ABHD17C: variants seen among roughly 807,000 people sequenced by gnomAD.
The protein encoded by ABHD17C is abhydrolase domain containing 17C, depalmitoylase.
Under a neutral mutation model 27.9 loss-of-function variants are expected in ABHD17C, and 11 were observed. The ratio of observed to expected loss-of-function variants is 0.39; its 90% CI spans 0.25 to 0.65. The LOEUF is 0.65. ABHD17C is among the 30% of genes least tolerant of loss of function. The pLI is 0.45. For missense variants in ABHD17C, 280 were observed against 470.2 expected (o/e 0.60, Z 3.74); for synonymous variants, 233 against 209.1 (o/e 1.11, Z -0.98).
At chr15:80,749,400 G>A in intron 1 of ABHD17C, 113 bp from the exon 2 acceptor site, 1 of 1,085,366 alleles carries the variant, frequency 9.2e-7, no homozygotes, top group Non-Finnish European at 1.3e-6. Context: ...TAGATGATAT[G>A]GTTTTAAGCT....
intron 1 of ABHD17C, among the ~76,000 whole-genome samples, chr15:80,748,487 C>A (rs1003431744): frequency 1.3e-5 from 2 of 152,106 alleles, no homozygotes; most frequent in African/African-American, 2.4e-5. Flanking sequence ...AATAGTAACT[C>A]ATGGATTTAA....
At chr15:80,735,468 C>T (rs1382231608) in intron 1 of ABHD17C, among the ~76,000 whole-genome samples, 2 of 152,144 alleles carry the variant, frequency 1.3e-5, no homozygotes, top group African/African-American at 2.4e-5. Context: ...CCAGCACCCT[C>T]CTTCCCATTG....
chr15:80,730,019 T>C (rs2141510014), intron 1 of ABHD17C, among the ~76,000 whole-genome samples: 1 of 152,016 alleles, frequency 6.6e-6, no homozygotes, highest in East Asian at 1.9e-4. Flanking sequence ...CTCAGGAGGC[T>C]GAGACAGGAG....
chr15:80,723,397 TTAA>T, intron 1 of ABHD17C, among the ~76,000 whole-genome samples: 1 of 152,132 alleles, frequency 6.6e-6, no homozygotes, highest in Non-Finnish European at 1.5e-5. Context: ...TCCTGTAATT[TTAA>T]TAATGCTGAC....
chr15:80,736,729 G>A (rs1178429653), intron 1 of ABHD17C, among the ~76,000 whole-genome samples: 4 of 152,076 alleles, frequency 2.6e-5, no homozygotes, highest in South Asian at 2.1e-4. Flanking sequence ...TGTGCCAAGC[G>A]TGCTTCTCTG....
At chr15:80,706,873 T>A (rs1466733693) in intron 1 of ABHD17C, among the ~76,000 whole-genome samples, 1 of 152,256 alleles carries the variant, frequency 6.6e-6, no homozygotes, top group East Asian at 1.9e-4. Flanking sequence ...GTCGTGATGT[T>A]TAACTATCAC....
Position 80,708,503 on chromosome 15 carries a change from A to G in ABHD17C, c.590+12484A>G, listed in dbSNP as rs374425610. ...GCTAATTTTTGTATTTTTAGTAGAG[A>G]CAGTGTTTTCGCCATGTTGGCCAGA... On this transcript the variant is annotated intron_variant, in intron 1 of 2. Transcript: ENST00000258884. Among the ~76,000 whole-genome samples the G allele has an allele frequency of 7.8e-4, 118 of 152,220 alleles. 1 individual carries two copies. The highest frequency in any genetic ancestry group is 2.6e-3 in the African/African-American group (106 of 41,528).
In ABHD17C at chr15:80,754,310, T is replaced by G; in HGVS notation, c.930T>G (p.Leu310=). The G allele has an allele frequency of 6.2e-7, 1 of 1,613,928 alleles. No homozygotes were observed. Among genetic ancestry groups the G allele is most frequent in the Non-Finnish European group, 8.5e-7 (1 of 1,179,866 alleles). Residue 310 remains leucine, a synonymous_variant, in exon 3 of 3, where the codon CTT becomes CTG. Coordinates refer to ENST00000258884, the MANE Select transcript of ABHD17C (RefSeq NM_021214.2). ...GGGCTGGGCATAATGACATAGAGCTTTATGCACAATACCTAGAAAGACTAA... is the reference window on the plus strand; with the variant it reads ...GGGCTGGGCATAATGACATAGAGCTGTATGCACAATACCTAGAAAGACTAA... The part of the protein sequence containing the change: ...VEGAGHNDIE[L]YAQYLERLKQ...
chr15:80,735,864 TC>T (rs34700232), intron 1 of ABHD17C, among the ~76,000 whole-genome samples: 48,116 of 151,976 alleles, frequency 0.32, 8,121 homozygotes, highest in African/African-American at 0.43. Flanking sequence ...CTTCATTATT[TC>T]CCCCAAAGAC....
At chr15:80,721,912 G>T (rs1894902757) in intron 1 of ABHD17C, among the ~76,000 whole-genome samples, 1 of 152,150 alleles carries the variant, frequency 6.6e-6, no homozygotes, top group Non-Finnish European at 1.5e-5. Context: ...CCAACTAAAA[G>T]TCTTAGCTCA....
intron 1 of ABHD17C, among the ~76,000 whole-genome samples, chr15:80,733,412 C>T (rs887667538): frequency 6.6e-6 from 1 of 152,042 alleles, no homozygotes; most frequent in Non-Finnish European, 1.5e-5. Context: ...TGCTGACATC[C>T]TGGGGAGGAC....
intron 1 of ABHD17C, among the ~76,000 whole-genome samples, chr15:80,734,237 G>A (rs554704826): frequency 6.6e-6 from 1 of 152,040 alleles, no homozygotes; most frequent in Middle Eastern, 3.2e-3. Flanking sequence ...CTCCCACCTC[G>A]GCCTCCCAGA....
intron 1 of ABHD17C, among the ~76,000 whole-genome samples, chr15:80,719,338 C>T (rs1201739813): frequency 1.3e-5 from 2 of 152,168 alleles, no homozygotes; most frequent in Non-Finnish European, 2.9e-5. Context: ...TTTGGTTCTT[C>T]ATTGAGAGTG....
In ABHD17C at chr15:80,716,406, C is replaced by T. The variant is rs138488217; in HGVS notation, c.590+20387C>T. Among the ~76,000 whole-genome samples, 43 of 152,266 alleles carry T rather than the reference C, an allele frequency of 2.8e-4. No individual in the cohort carries two copies. In the South Asian group the frequency reaches 7.2e-3, roughly 26 times the overall value. ...ACAAGGCCTGTGACCTTGTTGGAAA[C>T]GTCTCTGCTTCATGGGTTCTTGCCA... On this transcript the variant is annotated intron_variant, in intron 1 of 2. Coordinates refer to ENST00000258884, the MANE Select transcript of ABHD17C (RefSeq NM_021214.2).
chr15:80,730,611 C>A (rs1895044837), intron 1 of ABHD17C, among the ~76,000 whole-genome samples: 1 of 152,154 alleles, frequency 6.6e-6, no homozygotes, highest in Non-Finnish European at 1.5e-5. Context: ...AAAGAAAAGT[C>A]ATTAGCATGA....
chr15:80,714,838 C>G (rs978113505), intron 1 of ABHD17C, among the ~76,000 whole-genome samples: 1 of 152,138 alleles, frequency 6.6e-6, no homozygotes, highest in Admixed American at 6.6e-5. Context: ...TTTTGGATTT[C>G]TTTTCTCAGA....
At position 80,705,333 on chromosome 15, in the gene ABHD17C, T is replaced by TTGTGTG. The variant is rs1555421862; in HGVS notation, c.590+9343_590+9348dup. Reference sequence around the variant, plus strand: ...CCTGCAGTTCTGAGCTTCCTATGATTTGTGTGTGTGTGTGTGTGTGTGTGT... The same window carrying TTGTGTG: ...CCTGCAGTTCTGAGCTTCCTATGATTTGTGTGTGTGTGTGTGTGTGTGTGTGTGTGT... On this transcript the variant is annotated intron_variant, in intron 1 of 2. Transcript: ENST00000258884. 2.0e-3 allele frequency among the ~76,000 whole-genome samples: 210 copies of TTGTGTG among 106,872 alleles called. 1 individual carries two copies. Among genetic ancestry groups the TTGTGTG allele is most frequent in the African/African-American group, 5.0e-3 (141 of 28,450 alleles). 70.1% of individuals were successfully genotyped at this position (106,872 alleles called of 152,430 possible).
At chr15:80,729,676 G>A (rs1895029975) in intron 1 of ABHD17C, among the ~76,000 whole-genome samples, 1 of 152,176 alleles carries the variant, frequency 6.6e-6, no homozygotes, top group South Asian at 2.1e-4. Context: ...CAGGGAGTCG[G>A]ATGTATTAGA....
chr15:80,754,056 T>G, intron 2 of ABHD17C, 95 bp from the exon 3 acceptor site: 3 of 993,174 alleles, frequency 3.0e-6, no homozygotes, highest in South Asian at 1.5e-5. Context: ...TCCCTGCCTG[T>G]GGAGATTATT....
Sources: gnomAD v4.1 joint callset for allele counts (sites outside exome capture counted in the v4.1 genomes callset) on GRCh38, gnomAD v4.1.1 for gene constraint, MANE v1.5 for transcripts, NCBI Gene and HGNC (gene_info 2026-07-23, HGNC 2026-07-21) for gene names.